Variants in IRS2 observed in about 807,000 individuals in gnomAD.
IRS2 encodes the protein insulin receptor substrate 2.
IRS2 carries 28 observed loss-of-function variants against 70.9 expected under a neutral mutation model. That is an observed-to-expected ratio of 0.39 (90% CI 0.29 to 0.54). The LOEUF is 0.54. Among genes scored for constraint, IRS2 ranks in the 20% least tolerant of loss-of-function variants. The probability of loss-of-function intolerance (pLI) is 0.59; values close to 1 mark genes in which losing one functional copy is unlikely to be tolerated. For missense variants in IRS2, 2,081 were observed against 2,024.1 expected, an observed-to-expected ratio of 1.03 and a Z score of -0.54; for synonymous variants, 1,217 against 981.9, an observed-to-expected ratio of 1.24 and a Z score of -4.48.
chr13:109,782,705 C>T lies in IRS2; in HGVS notation c.3349G>A (p.Val1117Ile), dbSNP rs745747193. 4 of 1,589,994 alleles carry T rather than the reference C, an allele frequency of 2.5e-6. No homozygotes were observed. The East Asian group carries it at 9.2e-5, about 36-fold the overall frequency. ...TGGCTGGCCTGCAGGAAGGCCTCGA[C>T]TCCCGACACCTGCTCCATGAGGCTC... ...RLSLMEQVSG[V>I]EAFLQASQPP... Residue 1117 changes from valine to isoleucine, a missense_variant, in exon 1 of 2, where the codon GTC becomes ATC. Physicochemically the swap from Val to Ile is conservative, Grantham distance 29 (BLOSUM62 3). Coordinates refer to ENST00000375856, the MANE Select transcript of IRS2 (RefSeq NM_003749.3).
Position 109,783,593 on chromosome 13 carries a change from C to T in IRS2, c.2461G>A (p.Asp821Asn). ...KAPYTCGGDS[D>N]QYVLMSSPVG... ...GGGGAGCTCATGAGCACGTACTGGTCGCTGTCCCCGCCACAGGTGTAGGGG... is the reference window on the plus strand; with the variant it reads ...GGGGAGCTCATGAGCACGTACTGGTTGCTGTCCCCGCCACAGGTGTAGGGG... The change falls in exon 1 of 2, where the codon GAC becomes AAC. Residue 821 changes from aspartate to asparagine, a missense_variant. Coordinates refer to ENST00000375856, the MANE Select transcript of IRS2 (RefSeq NM_003749.3). 2 of 1,545,836 alleles carry T rather than the reference C, an allele frequency of 1.3e-6. No individual in the cohort carries two copies. The highest frequency in any genetic ancestry group is 1.7e-6 in the Non-Finnish European group (2 of 1,143,642).
At chr13:109,768,373 C>G (rs1877381011) in intron 1 of IRS2, among the ~76,000 whole-genome samples, 1 of 152,194 alleles carries the variant, frequency 6.6e-6, no homozygotes, top group Non-Finnish European at 1.5e-5. Flanking sequence ...ACTTTCCTCA[C>G]CAGCAGGCTA....
chr13:109,773,912 G>T (rs1014513247), intron 1 of IRS2, among the ~76,000 whole-genome samples: 2 of 152,212 alleles, frequency 1.3e-5, no homozygotes, highest in Non-Finnish European at 2.9e-5. Flanking sequence ...GTCATTGTTT[G>T]TATCACATTC....
In IRS2 at chr13:109,785,655, C is replaced by G. The variant is rs1348588576; in HGVS notation, c.399G>C (p.Glu133Asp). Residue 133 changes from glutamate (E) to aspartate (D), a missense_variant, in exon 1 of 2, where the codon GAG (glutamate) becomes GAC (aspartate). Around this residue, in one of 4 missense-constraint regions of IRS2, gnomAD observed 320 missense variants for 352.9 expected, o/e 0.91. Coordinates refer to ENST00000375856, the MANE Select transcript of IRS2 (RefSeq NM_003749.3). The surrounding 1 kb of genome is among the most constrained non-coding windows in gnomAD (Gnocchi z 9.3). ...AVAAENEQEQ[E>D]GWYRALTDLV... ...GGTCGGTGAGCGCGCGGTACCAGCC[C>G]TCCTGCTCCTGCTCGTTCTCGGCGG... 2 of 1,591,260 alleles carry G rather than the reference C, an allele frequency of 1.3e-6. No individual in the cohort carries two copies. The highest frequency in any genetic ancestry group is 1.7e-6 in the Non-Finnish European group (2 of 1,173,214).
intron 1 of IRS2, among the ~76,000 whole-genome samples, chr13:109,780,830 T>A (rs1877679407): frequency 6.6e-6 from 1 of 152,158 alleles, no homozygotes; most frequent in Non-Finnish European, 1.5e-5. Context: ...CAAAATTAAA[T>A]AAAGTCTCCC....
At chr13:109,757,020 G>A (rs551202340) in intron 1 of IRS2, among the ~76,000 whole-genome samples, 2 of 152,214 alleles carry the variant, frequency 1.3e-5, no homozygotes, top group African/African-American at 4.8e-5. Flanking sequence ...TTACCCTTTC[G>A]CTGTGCTCAG....
At chr13:109,778,421 G>A (rs7997595) in intron 1 of IRS2, among the ~76,000 whole-genome samples, 1 of 152,178 alleles carries the variant, frequency 6.6e-6, no homozygotes, top group East Asian at 1.9e-4. Flanking sequence ...CACGAAAGCC[G>A]GTGTGTGTTT....
intron 1 of IRS2, among the ~76,000 whole-genome samples, chr13:109,779,826 T>G (rs1034110326): frequency 2.0e-5 from 3 of 152,326 alleles, no homozygotes; most frequent in Non-Finnish European, 2.9e-5. Context: ...CACAGGCTTC[T>G]GTCTGGACTT....
At position 109,783,196 on chromosome 13, in the gene IRS2, C is replaced by A; in HGVS notation, c.2858G>T (p.Ser953Ile). The change falls in exon 1 of 2, where the codon AGC becomes ATC. Residue 953 changes from serine (S) to isoleucine (I), a missense_variant. By Grantham distance (142) the Ser-to-Ile change is moderately radical (BLOSUM62 -2). Coordinates refer to ENST00000375856, the MANE Select transcript of IRS2 (RefSeq NM_003749.3). ...ASSSSLLSASSPASSLGSGTP... is the reference protein window; with the variant it reads ...ASSSSLLSASIPASSLGSGTP... ...GCCTGAGCCCAGCGACGAGGCCGGG[C>A]TGCTGGCGGACAAGAGCGAGGAGGA... is the stretch of plus-strand genomic sequence containing the variant. 1 of 1,401,232 alleles carries A rather than the reference C, an allele frequency of 7.1e-7. No homozygotes were observed. Among genetic ancestry groups the A allele is most frequent in the Non-Finnish European group, 9.2e-7 (1 of 1,081,772 alleles). 86.8% of individuals were successfully genotyped at this position (1,401,232 alleles called of 1,614,324 possible).
Position 109,783,738 on chromosome 13 carries a change from G to A in IRS2, c.2316C>T (p.Ser772=), listed in dbSNP as rs1390277653. The part of the protein sequence containing the change: ...PNGDYLNVSP[S]DAVTTGTPPD... Reference sequence around the variant, plus strand: ...GCGGGGTGCCCGTGGTGACCGCGTCGCTGGGGGACACGTTGAGGTAGTCCC... The same window carrying A: ...GCGGGGTGCCCGTGGTGACCGCGTCACTGGGGGACACGTTGAGGTAGTCCC... Residue 772 remains serine (S), a synonymous_variant, in exon 1 of 2, where the codon AGC becomes AGT. Coordinates refer to ENST00000375856, the MANE Select transcript of IRS2 (RefSeq NM_003749.3). 1 of 1,585,198 alleles carries A rather than the reference G, an allele frequency of 6.3e-7. No homozygotes were observed. Among genetic ancestry groups the A allele is most frequent in the African/African-American group, 1.3e-5 (1 of 74,482 alleles).
chr13:109,777,675 G>A (rs1038198632), intron 1 of IRS2, among the ~76,000 whole-genome samples: 2 of 151,976 alleles, frequency 1.3e-5, no homozygotes, highest in Admixed American at 6.5e-5. Context: ...CAATGCATTC[G>A]GCATTAAGAG....
Position 109,783,309 on chromosome 13 carries a change from G to A in IRS2, c.2745C>T (p.Ser915=), listed in dbSNP as rs750601539. 7 of 1,547,330 alleles carry A rather than the reference G, an allele frequency of 4.5e-6. No individual in the cohort carries two copies. Among genetic ancestry groups the A allele is most frequent in the South Asian group, 2.4e-5 (2 of 84,844 alleles). ...HEYPLPPEPK[S]PGEYINIDFG... ...AGTCGATGTTGATGTACTCGCCGGG[G>A]CTCTTGGGCTCCGGTGGCAGTGGGT... is the stretch of plus-strand genomic sequence containing the variant. The change falls in exon 1 of 2, where the codon AGC becomes AGT. Residue 915 remains serine (S), a synonymous_variant. Coordinates refer to ENST00000375856, the MANE Select transcript of IRS2 (RefSeq NM_003749.3).
At chr13:109,777,459 A>G (rs1877603584) in intron 1 of IRS2, among the ~76,000 whole-genome samples, 1 of 152,212 alleles carries the variant, frequency 6.6e-6, no homozygotes, top group Non-Finnish European at 1.5e-5. Context: ...ATACTTCTAA[A>G]GAAAATAAAA....
chr13:109,781,955 A>C, intron 1 of IRS2, 87 bp downstream of exon 1: 1 of 1,482,584 alleles, frequency 6.7e-7, no homozygotes, highest in Non-Finnish European at 9.2e-7. Flanking sequence ...CAAGGTCCCC[A>C]AAAAGTGGGA....
chr13:109,783,774 C>T lies in IRS2; in HGVS notation c.2280G>A (p.Leu760=), dbSNP rs768683975. 3.1e-6 allele frequency: 5 copies of T among 1,597,246 alleles called. No homozygotes were observed. Among genetic ancestry groups the T allele is most frequent in the African/African-American group, 1.3e-5 (1 of 74,608 alleles). ...CGTTGAGGTAGTCCCCGTTGGGCAG[C>T]AGCTTGCCATCTGCATGCTCCATGG... ...KLSMEHADGK[L]LPNGDYLNVS... Residue 760 remains leucine, a synonymous_variant, in exon 1 of 2, where the codon CTG becomes CTA. Coordinates refer to ENST00000375856, the MANE Select transcript of IRS2 (RefSeq NM_003749.3).
At position 109,785,860 on chromosome 13, in the gene IRS2, C is replaced by G; in HGVS notation, c.194G>C (p.Gly65Ala). The stretch of plus-strand genomic sequence containing the variant: ...GAGCCGCGGCGGTTGCGGCGCCGAC[C>G]CCCCGCCCGCCGTCGCCTCGTCGCC... ...AGGDEATAGG[G>A]SAPQPPRLEY... Residue 65 changes from glycine to alanine, a missense_variant, in exon 1 of 2, where the codon GGG becomes GCG. Transcript: ENST00000375856. This position sits in a 1 kb window ranked among gnomAD's most constrained non-coding sequence, Gnocchi z 9.3. The G allele has an allele frequency of 1.3e-6, 2 of 1,512,464 alleles. No homozygotes were observed. Among genetic ancestry groups the G allele is most frequent in the Non-Finnish European group, 1.8e-6 (2 of 1,135,062 alleles). 93.7% of individuals were successfully genotyped at this position (1,512,464 alleles called of 1,614,324 possible). A position where few individuals can be genotyped will look rare whatever the true frequency, so the allele number is the denominator to read the frequency against.
intron 1 of IRS2, among the ~76,000 whole-genome samples, chr13:109,768,189 A>C (rs185234884): frequency 6.6e-6 from 1 of 152,376 alleles, no homozygotes; most frequent in Non-Finnish European, 1.5e-5. Context: ...GTTCAAGCAG[A>C]TAATTCAAGA....
chr13:109,784,287 C>T lies in IRS2; in HGVS notation c.1767G>A (p.Gln589=), dbSNP rs1418512859. The T allele has an allele frequency of 5.6e-6, 9 of 1,597,452 alleles. No individual in the cohort carries two copies. The highest frequency in any genetic ancestry group is 6.0e-6 in the Non-Finnish European group (7 of 1,172,266). Reference sequence around the variant, plus strand: ...ATTCATCCAGCGAGGCAGAGGAGGGCTGGGGCACCGGCCGCTGCCGGGCTG... The same window carrying T: ...ATTCATCCAGCGAGGCAGAGGAGGGTTGGGGCACCGGCCGCTGCCGGGCTG... The part of the protein sequence containing the change: ...TTPARQRPVP[Q]PSSASLDEYT... Residue 589 remains glutamine (Q), a synonymous_variant, in exon 1 of 2, where the codon CAG becomes CAA. Coordinates refer to ENST00000375856, the MANE Select transcript of IRS2 (RefSeq NM_003749.3). This position sits in a 1 kb window ranked among gnomAD's most constrained non-coding sequence, Gnocchi z 5.2.
intron 1 of IRS2, among the ~76,000 whole-genome samples, chr13:109,758,619 G>A (rs1223127567): frequency 6.6e-6 from 1 of 151,958 alleles, no homozygotes; most frequent in Non-Finnish European, 1.5e-5. Context: ...CTCCAATTAA[G>A]TTGAACATGT....
Sources: gnomAD v4.1 joint callset for allele counts (sites outside exome capture counted in the v4.1 genomes callset) on GRCh38, gnomAD v4.1.1 for gene constraint, gnomAD v4.1.1 regional missense constraint, Gnocchi (gnomAD v3.1) non-coding constraint, MANE v1.5 for transcripts, NCBI Gene and HGNC (gene_info 2026-07-23, HGNC 2026-07-21) for gene names.